NGEF: variants seen among roughly 807,000 people sequenced by gnomAD.
NGEF encodes the protein ephexin-1.
NGEF carries 31 observed loss-of-function variants against 80.9 expected under a neutral mutation model. The ratio of observed to expected loss-of-function variants is 0.38; its 90% confidence interval spans 0.29 to 0.52. The LOEUF is 0.52. Among genes scored for constraint, NGEF ranks in the 20% least tolerant of loss-of-function variants. The pLI, the probability that NGEF is intolerant of heterozygous loss-of-function variation, is 0.84. For synonymous variants in NGEF, 371 were observed against 370.2 expected (o/e 1.00, Z -0.03); for missense variants, 709 against 926.2 (o/e 0.77, Z 3.04).
chr2:232,929,267 G>A (rs910533828), intron 3 of NGEF, among the ~76,000 whole-genome samples: 21 of 152,358 alleles, frequency 1.4e-4, no homozygotes, highest in African/African-American at 4.8e-4. Flanking sequence ...CATTCCTGGT[G>A]GCAGCGGTGC....
chr2:232,961,820 G>T (rs1174932730), intron 3 of NGEF, among the ~76,000 whole-genome samples: 1 of 152,194 alleles, frequency 6.6e-6, no homozygotes, highest in South Asian at 2.1e-4. Flanking sequence ...CCCAGTGGCT[G>T]TGTGGCCAGC....
chr2:232,995,568 CTGTA>C (rs149456155), intron 1 of NGEF, among the ~76,000 whole-genome samples: 5 of 5,192 alleles, frequency 9.6e-4, no homozygotes, highest in African/African-American at 6.1e-3. Flanking sequence ...AGTATGTATA[CTGTA>C]TATATATATA....
rs142650451 is a variant in NGEF, at chr2:232,881,195, C to A, written c.1893G>T (p.Leu631=). 1 of 1,611,828 alleles carries A rather than the reference C, an allele frequency of 6.2e-7. No homozygotes were observed. Among genetic ancestry groups the A allele is most frequent in the East Asian group, 2.2e-5 (1 of 44,878 alleles). Residue 631 remains leucine, a synonymous_variant, in exon 14 of 15, where the codon CTG becomes CTT. Transcript: ENST00000264051. ...HPYVAQQPDE[L]TLELADILNI... is the part of the protein sequence containing the mutation. Reference sequence around the variant, plus strand: ...TGAGGATGTCGGCGAGCTCCAGCGTCAGCTCGTCTGGCTGCTGAGCCACGT... The same window carrying A: ...TGAGGATGTCGGCGAGCTCCAGCGTAAGCTCGTCTGGCTGCTGAGCCACGT...
At chr2:232,923,761 T>C (rs1054426612) in intron 4 of NGEF, among the ~76,000 whole-genome samples, 5 of 152,118 alleles carry the variant, frequency 3.3e-5, no homozygotes, top group Non-Finnish European at 5.9e-5. Context: ...TTGCTAGTAG[T>C]GGGTTAGACA....
rs770636783 is a variant in NGEF at position 232,925,818 on chromosome 2, A to T, written c.526+1226T>A. Reference sequence around the variant, plus strand: ...TTAAAATAAGGATTTTCTATGTGGCATCAGTTTCAGATCAGCCCCTCTCCA... The same window carrying T: ...TTAAAATAAGGATTTTCTATGTGGCTTCAGTTTCAGATCAGCCCCTCTCCA... On this transcript the variant is annotated intron_variant, in intron 4 of 14. Transcript: ENST00000264051. 2.0e-5 allele frequency among the ~76,000 whole-genome samples: 3 copies of T among 152,186 alleles called. No individual in the cohort carries two copies. In the East Asian group the frequency reaches 5.8e-4, roughly 29 times the overall value.
chr2:232,928,144 C>A, intron 3 of NGEF: 1 of 988,630 alleles, frequency 1.0e-6, no homozygotes, highest in South Asian at 4.6e-5. Flanking sequence ...GCCACCGCTG[C>A]CGAGCACTCC....
At chr2:232,888,244 ACG>A (rs1245914834) in intron 8 of NGEF, 137 bp from the exon 9 acceptor site, 36 of 634,406 alleles carry the variant, frequency 5.7e-5, no homozygotes, top group Admixed American at 1.5e-4. Context: ...ACACGCACGC[ACG>A]CACACGCATA....
At chr2:232,906,407 CCCCCGCCCGG>C (rs1692542473) in intron 5 of NGEF, among the ~76,000 whole-genome samples, 1 of 112,128 alleles carries the variant, frequency 8.9e-6, no homozygotes, top group Non-Finnish European at 2.0e-5. Context: ...GGGGGTCAGC[CCCCCGCCCGG>C]TCAGCCACCC....
chr2:232,932,592 AG>A (rs1444544452), intron 3 of NGEF, among the ~76,000 whole-genome samples: 1 of 152,124 alleles, frequency 6.6e-6, no homozygotes, highest in Non-Finnish European at 1.5e-5. Context: ...TTCACTTCTT[AG>A]TATCAATTTC....
chr2:232,988,036 C>CCTGTGTGTGT (rs1553558805), intron 1 of NGEF, among the ~76,000 whole-genome samples: 3,477 of 140,272 alleles, frequency 0.025, 133 homozygotes, highest in Admixed American at 0.049. Context: ...GGGATGGTCT[C>CCTGTGTGTGT]GTGTGTGTGT....
chr2:232,945,567 G>C (rs1693540211), intron 3 of NGEF, among the ~76,000 whole-genome samples: 1 of 152,194 alleles, frequency 6.6e-6, no homozygotes, highest in Admixed American at 6.5e-5. Context: ...GCCAGCCAAG[G>C]AGTGCCAAGG....
chr2:232,948,708 T>A (rs1693612557), intron 3 of NGEF, among the ~76,000 whole-genome samples: 2 of 152,112 alleles, frequency 1.3e-5, no homozygotes, highest in South Asian at 4.1e-4. Flanking sequence ...GTACTTTGAT[T>A]GAAAGAAATG....
chr2:232,909,796 C>G (rs1267856283), intron 5 of NGEF, among the ~76,000 whole-genome samples: 2 of 152,228 alleles, frequency 1.3e-5, no homozygotes, highest in Non-Finnish European at 2.9e-5. Context: ...CTGGAAACCA[C>G]TCTTTGCCAA....
chr2:232,887,461 T>G (rs2106221078), intron 9 of NGEF, among the ~76,000 whole-genome samples: 1 of 147,586 alleles, frequency 6.8e-6, no homozygotes, highest in East Asian at 1.9e-4. Flanking sequence ...GTGAATCCCC[T>G]CACAGAGATG....
rs368941020 is a variant in NGEF, at chr2:232,885,416, C to T, written c.1348-47G>A. The T allele has an allele frequency of 7.7e-4, 1,176 of 1,524,982 alleles. 2 individuals are homozygous for T. Among genetic ancestry groups the T allele is most frequent in the Non-Finnish European group, 1.0e-3 (1,105 of 1,100,224 alleles). The allele number at this position is 1,524,982 out of a possible 1,614,324, so 94.5% of individuals were successfully genotyped here. A position where few individuals can be genotyped will look rare whatever the true frequency, so the allele number is the denominator to read the frequency against. On this transcript the variant is annotated intron_variant, in intron 9 of 14. Coordinates refer to ENST00000264051, the MANE Select transcript of NGEF (RefSeq NM_019850.3). ...ATCAGGCCACCAAAGCCGGCTGTCC[C>T]GGCCCCTTCCTCCAGCTCGGTCAGG...
chr2:232,920,133 T>C, intron 5 of NGEF, 151 bp downstream of exon 5: 2 of 708,764 alleles, frequency 2.8e-6, no homozygotes, highest in Non-Finnish European at 2.3e-6. Context: ...ACCATGTTTA[T>C]TTTTCTGCAT....
intron 3 of NGEF, among the ~76,000 whole-genome samples, chr2:232,968,941 G>C (rs1694123986): frequency 6.6e-6 from 1 of 152,218 alleles, no homozygotes; most frequent in Non-Finnish European, 1.5e-5. Context: ...CACCTTGACA[G>C]ATGACAGAGT....
intron 5 of NGEF, among the ~76,000 whole-genome samples, chr2:232,902,304 CAAT>C (rs751512310): frequency 1.3e-5 from 2 of 152,174 alleles, no homozygotes; most frequent in African/African-American, 4.8e-5. Context: ...CTTCTGCAGA[CAAT>C]GATGATGAAG....
At chr2:232,883,256 G>A in intron 12 of NGEF, 55 bp downstream of exon 12, 1 of 1,535,352 alleles carries the variant, frequency 6.5e-7, no homozygotes, top group Non-Finnish European at 8.8e-7. Flanking sequence ...AGGCATCGAG[G>A]CCACACAGAA....
Sources: gnomAD v4.1 joint callset for allele counts (sites outside exome capture counted in the v4.1 genomes callset) on GRCh38, gnomAD v4.1.1 for gene constraint, MANE v1.5 for transcripts, NCBI Gene and HGNC (gene_info 2026-07-23, HGNC 2026-07-21) for gene names.